Variants in CAST observed in about 807,000 individuals in gnomAD.
CAST encodes MIR583 host.
A neutral mutation model predicts 119.6 loss-of-function variants in CAST; 76 were observed. The ratio of observed to expected loss-of-function variants is 0.64; its 90% CI spans 0.53 to 0.77. CAST has a LOEUF of 0.77. Among genes scored for constraint, CAST ranks in the 30% least tolerant of loss-of-function variants. The pLI, the probability that CAST is intolerant of heterozygous loss-of-function variation, is 0.00. For synonymous variants in CAST, 319 were observed against 331.6 expected, an observed-to-expected ratio of 0.96 and a Z score of 0.41; for missense variants, 953 against 946.5, an observed-to-expected ratio of 1.01 and a Z score of -0.09.
chr5:96,251,968 ATCTATC>A, the CAST span, among the ~76,000 whole-genome samples: 20 of 152,284 alleles, frequency 1.3e-4, no homozygotes, highest in African/African-American at 4.6e-4. Context: ...CTGTAAACTC[ATCTATC>A]TGGTTTCCCA....
chr5:96,771,777 G>A, intron 31 of CAST, 75 bp downstream of exon 31: 2 of 867,970 alleles, frequency 2.3e-6, no homozygotes, highest in Admixed American at 2.0e-5. Flanking sequence ...TGAGAGAAGT[G>A]AAGTCCACCT....
chr5:96,496,665 C>A, the CAST span, among the ~76,000 whole-genome samples: 1 of 152,156 alleles, frequency 6.6e-6, no homozygotes, highest in Admixed American at 6.5e-5. Context: ...GTGGATAGAA[C>A]TTCTGCTTAT....
At chr5:96,121,242 G>T in the CAST span, among the ~76,000 whole-genome samples, 1 of 152,162 alleles carries the variant, frequency 6.6e-6, no homozygotes, top group African/African-American at 2.4e-5. Context: ...AATAAATGAT[G>T]TGGCTTTGGG....
the CAST span, among the ~76,000 whole-genome samples, chr5:96,201,941 T>G: frequency 6.7e-6 from 1 of 149,486 alleles, no homozygotes; most frequent in Admixed American, 6.7e-5. Context: ...TTGTTTAAAA[T>G]AAGATGAAAT....
At chr5:96,575,641 G>GT (rs1746656286) in intron 1 of CAST, among the ~76,000 whole-genome samples, 2 of 147,720 alleles carry the variant, frequency 1.4e-5, no homozygotes, top group Admixed American at 7.1e-5. Flanking sequence ...TACAATTTTT[G>GT]TTTTTTGTTT....
the CAST span, among the ~76,000 whole-genome samples, chr5:96,228,692 TA>T: frequency 6.6e-6 from 1 of 152,342 alleles, no homozygotes; most frequent in Non-Finnish European, 1.5e-5. Flanking sequence ...TAACAAGAGG[TA>T]ACCATTGTGA....
the CAST span, among the ~76,000 whole-genome samples, chr5:96,262,122 A>G: frequency 0.013 from 1,938 of 152,318 alleles, 19 homozygotes; most frequent in Middle Eastern, 0.037. Context: ...GATGAACTAG[A>G]AGCTAAATTC....
At chr5:96,668,873 A>G (rs1749689811) in intron 1 of CAST, among the ~76,000 whole-genome samples, 1 of 152,020 alleles carries the variant, frequency 6.6e-6, no homozygotes, top group South Asian at 2.1e-4. Context: ...TAGAAATTGC[A>G]GGAAGCTGCT....
chr5:96,554,840 A>C (rs1746202906), intron 1 of CAST, among the ~76,000 whole-genome samples: 1 of 152,236 alleles, frequency 6.6e-6, no homozygotes, highest in South Asian at 2.1e-4. Flanking sequence ...ATGCAAATCA[A>C]AACCACAATG....
At chr5:96,072,236 G>A in the CAST span, among the ~76,000 whole-genome samples, 47,010 of 151,814 alleles carry the variant, frequency 0.31, 7,488 homozygotes, top group East Asian at 0.45. Context: ...CCTGACCCTC[G>A]TGGTTGTGGA....
chr5:96,608,402 C>A (rs1409473645), intron 1 of CAST, among the ~76,000 whole-genome samples: 1 of 152,136 alleles, frequency 6.6e-6, no homozygotes, highest in African/African-American at 2.4e-5. Flanking sequence ...AGTAATACCA[C>A]CCCATGCCTC....
the CAST span, among the ~76,000 whole-genome samples, chr5:96,165,826 C>A: frequency 6.6e-6 from 1 of 152,208 alleles, no homozygotes; most frequent in Non-Finnish European, 1.5e-5. Flanking sequence ...TGAATGACTT[C>A]TTTGCCGAAC....
chr5:96,259,599 T>A, the CAST span, among the ~76,000 whole-genome samples: 1 of 152,182 alleles, frequency 6.6e-6, no homozygotes, highest in African/African-American at 2.4e-5. Flanking sequence ...ATACCTCCGA[T>A]CACAGTGAGC....
chr5:96,439,483 C>T, the CAST span, among the ~76,000 whole-genome samples: 1 of 152,152 alleles, frequency 6.6e-6, no homozygotes, highest in African/African-American at 2.4e-5. Context: ...AATAACTTGA[C>T]ATTAGGATGC....
At chr5:96,535,166 G>C (rs1745784659) in intron 1 of CAST, among the ~76,000 whole-genome samples, 1 of 152,180 alleles carries the variant, frequency 6.6e-6, no homozygotes, top group Non-Finnish European at 1.5e-5. Context: ...GTGGAAAAAA[G>C]AAAACGTGGG....
chr5:96,091,110 G>C, the CAST span, among the ~76,000 whole-genome samples: 11 of 152,114 alleles, frequency 7.2e-5, no homozygotes, highest in Admixed American at 1.3e-4. Context: ...GGTTGGGGTG[G>C]AGGCTGCTGG....
chr5:96,039,112 C>T, the CAST span, among the ~76,000 whole-genome samples: 2 of 152,164 alleles, frequency 1.3e-5, no homozygotes, highest in African/African-American at 4.8e-5. Flanking sequence ...TTGCATTTCT[C>T]TAATGACCAG....
chr5:96,442,662 G>A, the CAST span, among the ~76,000 whole-genome samples: 1 of 152,288 alleles, frequency 6.6e-6, no homozygotes. Context: ...AGCTTCCTAA[G>A]CATCGCTCCT....
the CAST span, among the ~76,000 whole-genome samples, chr5:96,014,524 T>C: frequency 3.3e-5 from 5 of 152,202 alleles, no homozygotes; most frequent in African/African-American, 9.6e-5. Flanking sequence ...TTTATATGAC[T>C]GGCAGCACAG....
Sources: gnomAD v4.1 joint callset for allele counts (sites outside exome capture counted in the v4.1 genomes callset) on GRCh38, gnomAD v4.1.1 for gene constraint, MANE v1.5 for transcripts, NCBI Gene and HGNC (gene_info 2026-07-23, HGNC 2026-07-21) for gene names.